The following APBA1 variants were observed in gnomAD, a reference collection of about 807,000 sequenced individuals.
The protein encoded by APBA1 is amyloid beta precursor protein binding family A member 1.
A neutral mutation model predicts 86.6 loss-of-function variants in APBA1; 55 were observed. The ratio of observed to expected loss-of-function variants is 0.64; its 90% CI spans 0.51 to 0.80. The LOEUF is 0.80. APBA1 is among the 30% of genes least tolerant of loss of function. APBA1 has a pLI of 0.00. For missense variants in APBA1, 1,090 were observed against 1,183.0 expected (o/e 0.92, Z 1.15); for synonymous variants, 511 against 493.9 (o/e 1.03, Z -0.46).
chr9:69,671,376 T>C (rs2134035918), intron 1 of APBA1, among the ~76,000 whole-genome samples: 1 of 152,262 alleles, frequency 6.6e-6, no homozygotes, highest in Middle Eastern at 3.4e-3. Flanking sequence ...CCTATTTCCC[T>C]GCCATGTGCC....
intron 1 of APBA1, among the ~76,000 whole-genome samples, chr9:69,586,926 T>C (rs749476603): frequency 2.0e-5 from 3 of 152,202 alleles, no homozygotes; most frequent in Non-Finnish European, 4.4e-5. Context: ...AAGAGTTCCA[T>C]ATACTTTAAA....
At chr9:69,458,239 T>C (rs770681547) in intron 5 of APBA1, 51 bp from the exon 6 acceptor site, 3 of 1,545,198 alleles carry the variant, frequency 1.9e-6, no homozygotes, top group Admixed American at 2.0e-5. Flanking sequence ...AAAGAATGTG[T>C]AGAGACTCAA....
At chr9:69,574,821 C>T (rs1006833812) in intron 1 of APBA1, among the ~76,000 whole-genome samples, 2 of 152,090 alleles carry the variant, frequency 1.3e-5, no homozygotes, top group African/African-American at 4.8e-5. Context: ...CCTCTGGAGA[C>T]AGGAGGGAAG....
chr9:69,504,272 G>A (rs1835920183), intron 2 of APBA1, among the ~76,000 whole-genome samples: 2 of 151,994 alleles, frequency 1.3e-5, no homozygotes, highest in South Asian at 4.1e-4. Flanking sequence ...TTTGGCTCCA[G>A]GACATGGTCT....
chr9:69,548,161 T>C (rs1434685476), intron 1 of APBA1, among the ~76,000 whole-genome samples: 1 of 152,156 alleles, frequency 6.6e-6, no homozygotes, highest in Non-Finnish European at 1.5e-5. Context: ...GCTGCTGACT[T>C]GGAAGACGGG....
At chr9:69,491,511 A>G (rs1015815233) in intron 2 of APBA1, among the ~76,000 whole-genome samples, 18 of 151,818 alleles carry the variant, frequency 1.2e-4, no homozygotes, top group African/African-American at 4.4e-4. Flanking sequence ...GTAAATGATG[A>G]GTTAATGGGT....
At chr9:69,511,877 A>G (rs1389340969) in intron 2 of APBA1, among the ~76,000 whole-genome samples, 1 of 150,694 alleles carries the variant, frequency 6.6e-6, no homozygotes, top group Admixed American at 6.6e-5. Flanking sequence ...GAACAATGAG[A>G]TCACATGGAC....
intron 1 of APBA1, among the ~76,000 whole-genome samples, chr9:69,638,759 T>C (rs2134005946): frequency 6.6e-6 from 1 of 152,342 alleles, no homozygotes; most frequent in Middle Eastern, 3.4e-3. Context: ...GGCAAGTATA[T>C]GCAAAATCTT....
At position 69,659,643 on chromosome 9, in the gene APBA1, T is replaced by G. The variant is rs1049182653; in HGVS notation, c.-70+12510A>C. 2.0e-5 allele frequency among the ~76,000 whole-genome samples: 3 copies of G among 152,228 alleles called. No individual in the cohort carries two copies. In the East Asian group the frequency reaches 5.8e-4, roughly 29 times the overall value. On this transcript the variant is annotated intron_variant, in intron 1 of 12. Transcript: ENST00000265381. ...TTAGACATAATAGCAAACAAAATCC[T>G]GAGCCTCTCATCCTCCACTCTTCCC... is the stretch of plus-strand genomic sequence containing the variant.
At position 69,456,345 on chromosome 9, in the gene APBA1, G is replaced by A. The variant is rs1246412903; in HGVS notation, c.1690C>T (p.Pro564Ser). The A allele has an allele frequency of 4.3e-6, 7 of 1,614,024 alleles. No individual in the cohort carries two copies. The highest frequency in any genetic ancestry group is 1.3e-5 in the African/African-American group (1 of 74,920). ...IVVLMARRRM[P>S]RSNSQENVEA... The stretch of plus-strand genomic sequence containing the variant: ...ACGTTCTCCTGGGAGTTGGAGCGAG[G>A]CATCCGCCGGCGGGCCATCAGCACA... The change falls in exon 8 of 13, where the codon CCT becomes TCT. Residue 564 changes from proline (P) to serine (S), a missense_variant. Pro to Ser is a moderately conservative substitution (Grantham distance 74). Transcript: ENST00000265381.
At chr9:69,599,860 G>T (rs1822312407) in intron 1 of APBA1, among the ~76,000 whole-genome samples, 1 of 152,206 alleles carries the variant, frequency 6.6e-6, no homozygotes, top group Non-Finnish European at 1.5e-5. Flanking sequence ...CGCTCGAAGG[G>T]AGAGGACGAT....
intron 1 of APBA1, among the ~76,000 whole-genome samples, chr9:69,542,154 G>A (rs1364284234): frequency 2.0e-5 from 3 of 152,108 alleles, no homozygotes; most frequent in African/African-American, 4.8e-5. Context: ...AATGTATGGA[G>A]TTCCCATATA....
At chr9:69,636,870 A>G (rs1588405560) in intron 1 of APBA1, among the ~76,000 whole-genome samples, 1 of 75,790 alleles carries the variant, frequency 1.3e-5, no homozygotes, top group African/African-American at 4.2e-5. Context: ...GGAGGGAGAG[A>G]GAAAGAAAGA....
chr9:69,614,626 A>G (rs928843493), intron 1 of APBA1, among the ~76,000 whole-genome samples: 1 of 152,202 alleles, frequency 6.6e-6, no homozygotes, highest in Non-Finnish European at 1.5e-5. Flanking sequence ...CACCATTATG[A>G]TACTTTTCTA....
chr9:69,460,046 T>C (rs1230189299), intron 5 of APBA1, among the ~76,000 whole-genome samples: 1 of 152,230 alleles, frequency 6.6e-6, no homozygotes, highest in East Asian at 1.9e-4. Flanking sequence ...CTCATATTCC[T>C]GGGTACTCAC....
chr9:69,613,213 G>T (rs1218029932), intron 1 of APBA1, among the ~76,000 whole-genome samples: 3 of 151,386 alleles, frequency 2.0e-5, no homozygotes, highest in Non-Finnish European at 3.0e-5. Flanking sequence ...CTCCCTGTTA[G>T]AACAACAAAG....
Position 69,428,107 on chromosome 9 carries a change from T to C in APBA1, c.*3220A>G, listed in dbSNP as rs889520442. 3.9e-5 allele frequency: 6 copies of C among 152,126 alleles called. No individual in the cohort carries two copies. The highest frequency in any genetic ancestry group is 3.9e-4 in the Admixed American group (6 of 15,270). The allele number at this position is 152,126 out of a possible 1,614,324, so 9.4% of individuals were successfully genotyped here. On this transcript the variant is annotated 3_prime_UTR_variant, in exon 13 of 13. Transcript: ENST00000265381. ...ACATCTAAGGAGGGGCGGCCCCTGG[T>C]TGTAAACATTGGTAACGGCTACACC...
chr9:69,598,482 G>A (rs923677247), intron 1 of APBA1, among the ~76,000 whole-genome samples: 1 of 152,020 alleles, frequency 6.6e-6, no homozygotes, highest in African/African-American at 2.4e-5. Flanking sequence ...ACTTGACACA[G>A]CACACCTCAC....
chr9:69,523,388 G>A (rs909751272), intron 1 of APBA1, among the ~76,000 whole-genome samples: 1 of 150,016 alleles, frequency 6.7e-6, no homozygotes, highest in Non-Finnish European at 1.5e-5. Context: ...GTACGTCAGT[G>A]ATAGAGAACA....
Sources: gnomAD v4.1 joint callset for allele counts (sites outside exome capture counted in the v4.1 genomes callset) on GRCh38, gnomAD v4.1.1 for gene constraint, MANE v1.5 for transcripts, NCBI Gene and HGNC (gene_info 2026-07-23, HGNC 2026-07-21) for gene names.